The following SAMSN1 variants were observed in gnomAD, a reference collection of about 807,000 sequenced individuals.
The protein encoded by SAMSN1 is SAM domain, SH3 domain and nuclear localization signals 1, also known as SAM domain-containing protein SAMSN-1.
Under a neutral mutation model 42.0 loss-of-function variants are expected in SAMSN1, and 31 were observed. The observed-to-expected ratio is 0.74, with a 90% CI of 0.55 to 1.00. The LOEUF is 1.00. SAMSN1 is among the 50% of genes least tolerant of loss of function. The probability of loss-of-function intolerance (pLI) is 0.00; values close to 1 mark genes in which losing one functional copy is unlikely to be tolerated. For synonymous variants in SAMSN1, 178 were observed against 151.9 expected (o/e 1.17, Z -1.26); for missense variants, 464 against 439.4 (o/e 1.06, Z -0.50).
chr21:14,628,953 C>G (rs919771345), intron 2 of SAMSN1, among the ~76,000 whole-genome samples: 1 of 152,144 alleles, frequency 6.6e-6, no homozygotes, highest in Admixed American at 6.6e-5. Flanking sequence ...AACAGAGGCA[C>G]AGAGCAGTCA....
In SAMSN1 at chr21:14,602,264, T is replaced by A. The variant is rs531325375; in HGVS notation, c.323-165A>T. Reference sequence around the variant, plus strand: ...AATATATGCTATTTTTCTTTTTTTTTAACAAGAAACAGATCAAAATAAAAT... The same window carrying A: ...AATATATGCTATTTTTCTTTTTTTTAAACAAGAAACAGATCAAAATAAAAT... On this transcript the variant is annotated intron_variant, in intron 5 of 15. Transcript: ENST00000647101. Among the ~76,000 whole-genome samples the A allele has an allele frequency of 2.1e-3, 312 of 152,184 alleles. 1 individual carries two copies. Among genetic ancestry groups the A allele is most frequent in the Non-Finnish European group, 3.8e-3 (257 of 67,998 alleles).
chr21:14,614,809 G>A (rs1982794695), intron 3 of SAMSN1, among the ~76,000 whole-genome samples: 1 of 151,954 alleles, frequency 6.6e-6, no homozygotes, highest in Non-Finnish European at 1.5e-5. Context: ...TCCATCAGGA[G>A]AGTGGTAGGC....
At chr21:14,500,484 C>A in intron 6 of SAMSN1, 45 bp downstream of exon 6, 1 of 1,523,960 alleles carries the variant, frequency 6.6e-7, no homozygotes, top group Non-Finnish European at 9.1e-7. Flanking sequence ...TTCGGTGTTT[C>A]CATTTACATG....
At chr21:14,498,035 T>C (rs1986982914) in intron 7 of SAMSN1, among the ~76,000 whole-genome samples, 1 of 152,200 alleles carries the variant, frequency 6.6e-6, no homozygotes, top group Non-Finnish European at 1.5e-5. Context: ...AGTTTTCCTG[T>C]GTGCCATGAA....
chr21:14,540,293 G>A (rs540261225), intron 1 of SAMSN1, among the ~76,000 whole-genome samples: 1 of 152,230 alleles, frequency 6.6e-6, no homozygotes, highest in East Asian at 1.9e-4. Context: ...TTGACAAATG[G>A]GATCTAATTG....
intron 1 of SAMSN1, among the ~76,000 whole-genome samples, chr21:14,646,689 A>G (rs929768546): frequency 6.6e-6 from 1 of 152,218 alleles, no homozygotes; most frequent in African/African-American, 2.4e-5. Context: ...AACCAATGAA[A>G]GATAATAACT....
chr21:14,554,410 T>C (rs1422813453), intron 2 of SAMSN1, among the ~76,000 whole-genome samples: 2 of 152,178 alleles, frequency 1.3e-5, no homozygotes, highest in Non-Finnish European at 2.9e-5. Flanking sequence ...AAACACTAGA[T>C]AGTAACAAGC....
At chr21:14,564,865 T>C (rs1981059109) in intron 2 of SAMSN1, among the ~76,000 whole-genome samples, 1 of 151,928 alleles carries the variant, frequency 6.6e-6, no homozygotes, top group African/African-American at 2.4e-5. Context: ...CCAAATCCAC[T>C]CAGCAGGAAA....
intron 7 of SAMSN1, among the ~76,000 whole-genome samples, chr21:14,490,491 T>C (rs1284857086): frequency 2.0e-5 from 3 of 152,188 alleles, no homozygotes; most frequent in African/African-American, 7.2e-5. Context: ...ACTATGGCTA[T>C]ATTTATTTGT....
chr21:14,616,134 T>C, intron 2 of SAMSN1: 1 of 351,934 alleles, frequency 2.8e-6, no homozygotes, highest in Non-Finnish European at 5.3e-6. Flanking sequence ...ACGTAGTTCC[T>C]TTTGTCTTTT....
At chr21:14,612,803 C>A (rs1982741640) in intron 4 of SAMSN1, 2 of 671,562 alleles carry the variant, frequency 3.0e-6, no homozygotes, top group East Asian at 2.7e-5. Flanking sequence ...TGCTTTGTGG[C>A]AGGAGCAGGA....
intron 1 of SAMSN1, among the ~76,000 whole-genome samples, chr21:14,543,810 T>C (rs1980201866): frequency 6.6e-6 from 1 of 152,180 alleles, no homozygotes; most frequent in Non-Finnish European, 1.5e-5. Context: ...TTTCACAAAT[T>C]CTAAGAGTAT....
intron 1 of SAMSN1, among the ~76,000 whole-genome samples, chr21:14,536,132 C>T (rs1979597218): frequency 6.6e-6 from 1 of 152,038 alleles, no homozygotes. Context: ...TCATCGAAAT[C>T]TTTAACACTA....
At chr21:14,590,803 A>G (rs913151225) in intron 7 of SAMSN1, among the ~76,000 whole-genome samples, 3 of 152,202 alleles carry the variant, frequency 2.0e-5, no homozygotes, top group African/African-American at 7.2e-5. Flanking sequence ...CCCTAAATCT[A>G]TATCTTCATT....
chr21:14,504,858 G>A (rs1987330193), intron 5 of SAMSN1, among the ~76,000 whole-genome samples: 1 of 152,180 alleles, frequency 6.6e-6, no homozygotes, highest in Admixed American at 6.5e-5. Flanking sequence ...AAATGGACCA[G>A]GTAACCCATA....
At chr21:14,639,944 C>T (rs1216796887) in intron 2 of SAMSN1, among the ~76,000 whole-genome samples, 1 of 152,108 alleles carries the variant, frequency 6.6e-6, no homozygotes, top group East Asian at 1.9e-4. Flanking sequence ...TATCAACCTT[C>T]CTGAAAGTGC....
chr21:14,576,429 G>A (rs1022503136), intron 2 of SAMSN1, among the ~76,000 whole-genome samples: 1 of 152,114 alleles, frequency 6.6e-6, no homozygotes, highest in East Asian at 1.9e-4. Flanking sequence ...CAGTTACCTC[G>A]TCTGTCTCCC....
intron 2 of SAMSN1, among the ~76,000 whole-genome samples, chr21:14,559,686 G>T (rs748460065): frequency 2.7e-5 from 4 of 149,924 alleles, no homozygotes; most frequent in Non-Finnish European, 3.0e-5. Flanking sequence ...TTTCTTTTCT[G>T]CAGAGACAAG....
chr21:14,614,779 T>C (rs567249760), intron 3 of SAMSN1, among the ~76,000 whole-genome samples: 17 of 152,268 alleles, frequency 1.1e-4, no homozygotes, highest in Middle Eastern at 3.4e-3. Context: ...TGTAGGTGTA[T>C]AATAACATGA....
Sources: allele counts gnomAD v4.1 joint callset (sites outside exome capture counted in the v4.1 genomes callset), GRCh38; gene constraint gnomAD v4.1.1; transcripts MANE v1.5; gene names NCBI Gene and HGNC (gene_info 2026-07-23, HGNC 2026-07-21).